Variants in LRRC4C observed in about 807,000 individuals in gnomAD.
LRRC4C encodes the protein leucine rich repeat containing 4C, also known as leucine-rich repeat-containing protein 4C.
In LRRC4C, 5 loss-of-function variants were observed where a neutral mutation model predicts 33.6. The ratio of observed to expected loss-of-function variants is 0.15; its 90% confidence interval spans 0.08 to 0.31. The LOEUF (loss-of-function observed/expected upper bound fraction) is 0.31. Ranked by LOEUF, LRRC4C falls within the 10% of genes least tolerant of loss-of-function variation. The pLI is 1.00. For missense variants in LRRC4C, 560 were observed against 796.7 expected (o/e 0.70, Z 3.58); for synonymous variants, 329 against 302.0 (o/e 1.09, Z -0.93).
At chr11:40,912,479 T>C (rs1328346342) in intron 2 of LRRC4C, among the ~76,000 whole-genome samples, 1 of 152,126 alleles carries the variant, frequency 6.6e-6, no homozygotes, top group Non-Finnish European at 1.5e-5. Flanking sequence ...TAAAATCCTT[T>C]ACAGACAAGC....
chr11:41,389,427 C>T (rs898658394), intron 1 of LRRC4C, among the ~76,000 whole-genome samples: 9 of 151,500 alleles, frequency 5.9e-5, no homozygotes, highest in Non-Finnish European at 5.9e-5. Flanking sequence ...AAACACACAG[C>T]GACTAAGTTT....
At chr11:40,392,322 T>C (rs1329494010) in intron 3 of LRRC4C, among the ~76,000 whole-genome samples, 1 of 152,152 alleles carries the variant, frequency 6.6e-6, no homozygotes, top group African/African-American at 2.4e-5. Flanking sequence ...TTAGTTACTA[T>C]TAATGTATCA....
At chr11:40,788,311 T>C (rs1950495149) in intron 2 of LRRC4C, among the ~76,000 whole-genome samples, 1 of 152,138 alleles carries the variant, frequency 6.6e-6, no homozygotes, top group African/African-American at 2.4e-5. Flanking sequence ...TTTTTTTTTC[T>C]TCCTCCTCCT....
At chr11:40,732,059 CAA>C (rs35385557) in intron 2 of LRRC4C, among the ~76,000 whole-genome samples, 55,829 of 142,086 alleles carry the variant, frequency 0.39, 10,561 homozygotes, top group Non-Finnish European at 0.42. Context: ...AAAAAAAAAC[CAA>C]AAAAAAAACA....
chr11:40,965,338 G>A lies in LRRC4C; in HGVS notation c.-495-31615C>T, dbSNP rs573847427. 2.6e-3 allele frequency among the ~76,000 whole-genome samples: 399 copies of A among 151,914 alleles called. 4 individuals carry two copies. Among genetic ancestry groups the A allele is most frequent in the Non-Finnish European group, 4.8e-3 (329 of 67,852 alleles). On this transcript the variant is annotated intron_variant, in intron 1 of 6. Coordinates refer to ENST00000528697, the MANE Select transcript of LRRC4C (RefSeq NM_001258419.2). Reference sequence around the variant, plus strand: ...TAGGTTGCCTGTTCACTCTGATGGTGGTTTCTTTTGCTGTGCAGAAGCTCT... The same window carrying A: ...TAGGTTGCCTGTTCACTCTGATGGTAGTTTCTTTTGCTGTGCAGAAGCTCT...
At chr11:41,445,545 T>G (rs572193802) in intron 1 of LRRC4C, among the ~76,000 whole-genome samples, 31 of 152,192 alleles carry the variant, frequency 2.0e-4, no homozygotes, top group African/African-American at 6.3e-4. Flanking sequence ...CGTCACAGTC[T>G]TGTATGGAGG....
chr11:41,443,089 AT>A, intron 1 of LRRC4C, among the ~76,000 whole-genome samples: 3,242 of 105,912 alleles, frequency 0.031, 86 homozygotes, highest in African/African-American at 0.11. Flanking sequence ...TGTTTGCTTC[AT>A]TTTTTTTTTT....
At chr11:40,724,196 T>G (rs1947173414) in intron 2 of LRRC4C, among the ~76,000 whole-genome samples, 1 of 152,150 alleles carries the variant, frequency 6.6e-6, no homozygotes, top group Non-Finnish European at 1.5e-5. Context: ...GTTAGACAGA[T>G]CACTGAGAAA....
At chr11:41,312,512 C>G (rs1950671389) in intron 1 of LRRC4C, among the ~76,000 whole-genome samples, 1 of 152,102 alleles carries the variant, frequency 6.6e-6, no homozygotes, top group Middle Eastern at 3.2e-3. Flanking sequence ...TTCTGTGTCT[C>G]TCTGTGAGAA....
intron 3 of LRRC4C, among the ~76,000 whole-genome samples, chr11:40,543,161 G>A (rs2135398710): frequency 6.6e-6 from 1 of 151,964 alleles, no homozygotes; most frequent in East Asian, 1.9e-4. Flanking sequence ...GGCCAGTCAT[G>A]CATTACTCTC....
intron 1 of LRRC4C, among the ~76,000 whole-genome samples, chr11:41,301,062 C>T (rs988554329): frequency 3.9e-5 from 6 of 151,998 alleles, no homozygotes; most frequent in East Asian, 1.9e-4. Flanking sequence ...TCTTAAATGC[C>T]GTCAAGTTAG....
chr11:40,565,097 A>C (rs1461869611), intron 3 of LRRC4C, among the ~76,000 whole-genome samples: 3 of 152,308 alleles, frequency 2.0e-5, no homozygotes, highest in Admixed American at 2.0e-4. Flanking sequence ...TGATAATATC[A>C]GTTGCTGCTC....
intron 4 of LRRC4C, among the ~76,000 whole-genome samples, chr11:40,305,785 C>T (rs929588382): frequency 3.3e-5 from 5 of 152,122 alleles, no homozygotes; most frequent in African/African-American, 9.7e-5. Flanking sequence ...AAGACCTCAT[C>T]AATAACCGGT....
intron 1 of LRRC4C, among the ~76,000 whole-genome samples, chr11:41,404,915 T>C (rs1464590016): frequency 6.6e-6 from 1 of 152,110 alleles, no homozygotes; most frequent in African/African-American, 2.4e-5. Context: ...TAAACAACCA[T>C]TCAGATAATA....
At chr11:41,065,025 A>G (rs1938112443) in intron 1 of LRRC4C, among the ~76,000 whole-genome samples, 1 of 152,064 alleles carries the variant, frequency 6.6e-6, no homozygotes, top group Non-Finnish European at 1.5e-5. Context: ...TTCACACTAC[A>G]GCGGCGCCTG....
chr11:41,430,047 A>G (rs1955181516), intron 1 of LRRC4C, among the ~76,000 whole-genome samples: 1 of 152,162 alleles, frequency 6.6e-6, no homozygotes, highest in Non-Finnish European at 1.5e-5. Context: ...TGTGCAGGAC[A>G]TAGAGTACAA....
At chr11:40,260,478 G>A (rs562055383) in intron 4 of LRRC4C, among the ~76,000 whole-genome samples, 101 of 149,296 alleles carry the variant, frequency 6.8e-4, no homozygotes, top group Admixed American at 2.1e-3. Context: ...TGGGTGCAGC[G>A]CACCAGCATG....
chr11:40,783,940 A>G (rs1056888342), intron 2 of LRRC4C, among the ~76,000 whole-genome samples: 29 of 152,150 alleles, frequency 1.9e-4, no homozygotes, highest in Admixed American at 1.9e-3. Context: ...GCAAGCTACT[A>G]CTTTAAAGTG....
In LRRC4C at chr11:40,670,195, TG is replaced by T. The variant is rs548664162; in HGVS notation, c.-406-21918del. 7.2e-5 allele frequency among the ~76,000 whole-genome samples: 11 copies of T among 152,324 alleles called. No homozygotes were observed. The South Asian group carries it at 2.1e-3, about 29-fold the overall frequency. On this transcript the variant is annotated intron_variant, in intron 2 of 6. Transcript: ENST00000528697. ...ATTATAGTCACTTAAAGGTGAAGTC[TG>T]GGGTATCCTATCACCTTCACTAGAC... is the stretch of plus-strand genomic sequence containing the variant.
Sources: gnomAD v4.1 joint callset for allele counts (sites outside exome capture counted in the v4.1 genomes callset) on GRCh38, gnomAD v4.1.1 for gene constraint, MANE v1.5 for transcripts, NCBI Gene and HGNC (gene_info 2026-07-23, HGNC 2026-07-21) for gene names.